SUCLG2: variants seen among roughly 807,000 people sequenced by gnomAD.
SUCLG2 encodes succinate-CoA ligase GDP-forming subunit beta, also known as succinate--CoA ligase [GDP-forming] subunit beta, mitochondrial.
A neutral mutation model predicts 47.9 loss-of-function variants in SUCLG2; 42 were observed. The observed-to-expected ratio is 0.88, with a 90% CI of 0.69 to 1.14. SUCLG2 has a LOEUF of 1.14. Among genes scored for constraint, SUCLG2 ranks in the 50% most tolerant of loss-of-function variants. The probability of loss-of-function intolerance (pLI) is 0.00; values close to 1 mark genes in which losing one functional copy is unlikely to be tolerated. For synonymous variants in SUCLG2, 195 were observed against 197.3 expected (o/e 0.99, Z 0.10); for missense variants, 571 against 525.9 (o/e 1.09, Z -0.84).
At chr3:67,499,551 T>C (rs753795754) in intron 7 of SUCLG2, among the ~76,000 whole-genome samples, 2 of 152,130 alleles carry the variant, frequency 1.3e-5, no homozygotes, top group Non-Finnish European at 2.9e-5. Context: ...GGAGACAGAC[T>C]ACAGGGCACT....
At chr3:67,361,900 C>T (rs1701808102) in intron 10 of SUCLG2, among the ~76,000 whole-genome samples, 1 of 152,122 alleles carries the variant, frequency 6.6e-6, no homozygotes, top group Admixed American at 6.6e-5. Flanking sequence ...GGAACATGCC[C>T]TGGCTAGGCT....
intron 3 of SUCLG2, 49 bp downstream of exon 3, chr3:67,529,038 T>C (rs757513948): frequency 2.0e-6 from 3 of 1,523,290 alleles, no homozygotes; most frequent in East Asian, 4.5e-5. Context: ...AGCAAGATCT[T>C]CCATAACTGC....
At chr3:67,368,853 C>T (rs1701910673) in intron 10 of SUCLG2, among the ~76,000 whole-genome samples, 1 of 151,996 alleles carries the variant, frequency 6.6e-6, no homozygotes, top group African/African-American at 2.4e-5. Flanking sequence ...TGATCTGCAC[C>T]CCTCAACCTC....
At chr3:67,523,592 C>CCTTATAAAATACA (rs1706178475) in intron 4 of SUCLG2, among the ~76,000 whole-genome samples, 1 of 152,046 alleles carries the variant, frequency 6.6e-6, no homozygotes, top group Non-Finnish European at 1.5e-5. Context: ...AACAACTTGT[C>CCTTATAAAATACA]GTTTATAGAA....
At chr3:67,440,915 A>C (rs1703743837) in intron 9 of SUCLG2, among the ~76,000 whole-genome samples, 1 of 152,242 alleles carries the variant, frequency 6.6e-6, no homozygotes, top group South Asian at 2.1e-4. Context: ...TTTACTATAA[A>C]GACACATGCA....
chr3:67,502,397 C>A (rs1163832290), intron 7 of SUCLG2, among the ~76,000 whole-genome samples: 3 of 152,172 alleles, frequency 2.0e-5, no homozygotes, highest in Non-Finnish European at 4.4e-5. Flanking sequence ...AGACTGGCAT[C>A]AAAAATATCA....
chr3:67,398,597 G>T (rs1055889662), intron 10 of SUCLG2, among the ~76,000 whole-genome samples: 1 of 151,962 alleles, frequency 6.6e-6, no homozygotes, highest in African/African-American at 2.4e-5. Flanking sequence ...TTCAACCATT[G>T]TGGAAGTCAG....
intron 2 of SUCLG2, among the ~76,000 whole-genome samples, chr3:67,533,436 C>T (rs1042739280): frequency 6.6e-6 from 1 of 152,128 alleles, no homozygotes; most frequent in Non-Finnish European, 1.5e-5. Flanking sequence ...CAGTTCTCAG[C>T]ACAACTGCAT....
At chr3:67,379,501 C>G (rs1052117466) in intron 10 of SUCLG2, among the ~76,000 whole-genome samples, 1 of 152,164 alleles carries the variant, frequency 6.6e-6, no homozygotes, top group Non-Finnish European at 1.5e-5. Context: ...ATGAAATGAG[C>G]TCTTGATCTT....
At chr3:67,391,210 G>C (rs779285085) in intron 10 of SUCLG2, among the ~76,000 whole-genome samples, 4 of 152,114 alleles carry the variant, frequency 2.6e-5, no homozygotes, top group Non-Finnish European at 5.9e-5. Context: ...TAAAGTTGTT[G>C]TGAACATAAA....
chr3:67,363,354 C>G (rs1436935094), intron 10 of SUCLG2, among the ~76,000 whole-genome samples: 2 of 152,132 alleles, frequency 1.3e-5, no homozygotes, highest in Non-Finnish European at 2.9e-5. Flanking sequence ...CCACTATACA[C>G]TAATACATTT....
At chr3:67,434,888 T>C (rs1703578266) in intron 9 of SUCLG2, among the ~76,000 whole-genome samples, 1 of 152,232 alleles carries the variant, frequency 6.6e-6, no homozygotes, top group Non-Finnish European at 1.5e-5. Context: ...TGATACATTG[T>C]ACCAGTTCTT....
chr3:67,401,248 G>A (rs1469469348), intron 9 of SUCLG2, among the ~76,000 whole-genome samples: 1 of 151,672 alleles, frequency 6.6e-6, no homozygotes, highest in Admixed American at 6.6e-5. Flanking sequence ...ATATGTCATG[G>A]TGCCTCACAC....
chr3:67,405,714 G>T (rs186723218), intron 9 of SUCLG2, among the ~76,000 whole-genome samples: 3 of 152,124 alleles, frequency 2.0e-5, no homozygotes, highest in Non-Finnish European at 2.9e-5. Context: ...TGAATTCTTC[G>T]CAGCTGTCCA....
intron 10 of SUCLG2, among the ~76,000 whole-genome samples, chr3:67,388,738 T>A (rs956269514): frequency 9.9e-5 from 15 of 152,212 alleles, no homozygotes; most frequent in African/African-American, 3.1e-4. Context: ...GTAGCTCTGC[T>A]CACTTTCATT....
intron 4 of SUCLG2, among the ~76,000 whole-genome samples, chr3:67,522,151 T>A (rs1292510408): frequency 6.6e-6 from 1 of 151,830 alleles, no homozygotes. Flanking sequence ...ACCTCCCAGG[T>A]TCAAACGAAT....
chr3:67,417,655 G>T (rs1211508455), intron 9 of SUCLG2, among the ~76,000 whole-genome samples: 1 of 152,162 alleles, frequency 6.6e-6, no homozygotes, highest in African/African-American at 2.4e-5. Flanking sequence ...ATTTTACTTT[G>T]TAAGAGTGAA....
chr3:67,405,293 C>A (rs917878444), intron 9 of SUCLG2, among the ~76,000 whole-genome samples: 3 of 152,168 alleles, frequency 2.0e-5, no homozygotes, highest in African/African-American at 7.2e-5. Context: ...CACACTCTAG[C>A]TGCAGATTTT....
chr3:67,491,967 CTGGTAAAGA>C (rs1705218758), intron 9 of SUCLG2, among the ~76,000 whole-genome samples: 1 of 152,144 alleles, frequency 6.6e-6, no homozygotes, highest in South Asian at 2.1e-4. Flanking sequence ...CAACCAGTAA[CTGGTAAAGA>C]CAAGACTGGA....
Sources: allele counts gnomAD v4.1 joint callset (sites outside exome capture counted in the v4.1 genomes callset), GRCh38; gene constraint gnomAD v4.1.1; transcripts MANE v1.5; gene names NCBI Gene and HGNC (gene_info 2026-07-23, HGNC 2026-07-21).